Variants in MACROD2 observed in about 807,000 individuals in gnomAD.
MACROD2 encodes mono-ADP ribosylhydrolase 2.
In MACROD2, 36 loss-of-function variants were observed where a neutral mutation model predicts 70.4. That is an observed-to-expected ratio of 0.51 (90% CI 0.39 to 0.68). The LOEUF (loss-of-function observed/expected upper bound fraction) is 0.68, where lower values mean the gene tolerates loss of function less well. MACROD2 is among the 30% of genes least tolerant of loss of function. The pLI is 0.00. For missense variants in MACROD2, 496 were observed against 538.4 expected (o/e 0.92, Z 0.78); for synonymous variants, 172 against 178.8 (o/e 0.96, Z 0.30).
intron 15 of MACROD2, among the ~76,000 whole-genome samples, chr20:15,994,454 AATAC>A (rs2066600770): frequency 6.6e-6 from 1 of 152,234 alleles, no homozygotes; most frequent in South Asian, 2.1e-4. Context: ...CACTCTTGAG[AATAC>A]ATAAAAAGAA....
At chr20:15,782,717 CAAAAA>C (rs11472322) in intron 8 of MACROD2, among the ~76,000 whole-genome samples, 13 of 83,348 alleles carry the variant, frequency 1.6e-4, no homozygotes, top group African/African-American at 5.3e-4. Flanking sequence ...AGAGAAATGG[CAAAAA>C]AAAAAAAAAA....
At chr20:14,464,006 G>T (rs956641973) in intron 3 of MACROD2, among the ~76,000 whole-genome samples, 1 of 151,720 alleles carries the variant, frequency 6.6e-6, no homozygotes, top group Non-Finnish European at 1.5e-5. Flanking sequence ...TTTTTTTGTT[G>T]TGTCTCTGCC....
intron 10 of MACROD2, among the ~76,000 whole-genome samples, chr20:15,932,198 A>T (rs893060708): frequency 6.6e-6 from 1 of 152,146 alleles, no homozygotes; most frequent in Non-Finnish European, 1.5e-5. Context: ...TGCTCCCCAC[A>T]CATCTTTTCT....
chr20:14,716,026 C>T (rs1349815650), intron 5 of MACROD2, among the ~76,000 whole-genome samples: 1 of 152,124 alleles, frequency 6.6e-6, no homozygotes, highest in Non-Finnish European at 1.5e-5. Flanking sequence ...ACTTACTCTC[C>T]ACTCAGCTCT....
intron 6 of MACROD2, among the ~76,000 whole-genome samples, chr20:15,329,190 C>G (rs2077964863): frequency 6.6e-6 from 1 of 152,056 alleles, no homozygotes; most frequent in Non-Finnish European, 1.5e-5. Flanking sequence ...CCACCATTTT[C>G]AAATTATTTT....
chr20:14,044,430 G>A (rs1000256737), intron 2 of MACROD2, among the ~76,000 whole-genome samples: 3 of 152,180 alleles, frequency 2.0e-5, no homozygotes, highest in African/African-American at 7.2e-5. Flanking sequence ...TGAGCGGGTT[G>A]CCACTGCTGG....
intron 5 of MACROD2, among the ~76,000 whole-genome samples, chr20:14,695,551 C>T (rs1023474071): frequency 6.6e-6 from 1 of 152,196 alleles, no homozygotes; most frequent in Admixed American, 6.5e-5. Context: ...TGAGCATGGC[C>T]AGTTTCTATG....
chr20:14,434,606 C>T (rs935601744), intron 3 of MACROD2, among the ~76,000 whole-genome samples: 1 of 152,166 alleles, frequency 6.6e-6, no homozygotes, highest in Non-Finnish European at 1.5e-5. Flanking sequence ...CACATTGCTC[C>T]ATCAGTTCTT....
chr20:15,415,677 C>G (rs2046137772), intron 6 of MACROD2, among the ~76,000 whole-genome samples: 1 of 152,196 alleles, frequency 6.6e-6, no homozygotes, highest in South Asian at 2.1e-4. Flanking sequence ...AAGTCAAAGT[C>G]TAGCAGAACT....
intron 5 of MACROD2, among the ~76,000 whole-genome samples, chr20:14,951,374 A>G (rs139808199): frequency 5.9e-5 from 9 of 152,280 alleles, no homozygotes; most frequent in African/African-American, 1.9e-4. Flanking sequence ...TTACTCAAGC[A>G]TGGTGACTAG....
intron 3 of MACROD2, among the ~76,000 whole-genome samples, chr20:14,226,592 C>T (rs1404536750): frequency 6.6e-6 from 1 of 152,140 alleles, no homozygotes; most frequent in African/African-American, 2.4e-5. Flanking sequence ...TGGCGGGCCG[C>T]GCACTCGGAG....
Position 16,033,701 on chromosome 20 carries a change from A to G in MACROD2, c.1154-7500A>G, listed in dbSNP as rs141597914. 5.4e-3 allele frequency among the ~76,000 whole-genome samples: 825 copies of G among 152,200 alleles called. 12 individuals are homozygous for G. Among genetic ancestry groups the G allele is most frequent in the African/African-American group, 0.018 (752 of 41,544 alleles). On this transcript the variant is annotated intron_variant, in intron 15 of 17. Coordinates refer to ENST00000684519, the MANE Select transcript of MACROD2 (RefSeq NM_001351661.2). The stretch of plus-strand genomic sequence containing the variant: ...TGGAAGTGAGCAGAACTTGCCCCCA[A>G]ATCACATAAATAGAAATGCCAGGAC...
chr20:14,390,261 G>T (rs35989081), intron 3 of MACROD2, among the ~76,000 whole-genome samples: 24,460 of 152,062 alleles, frequency 0.16, 2,606 homozygotes, highest in Non-Finnish European at 0.23. Flanking sequence ...ACGAACAAAT[G>T]GGAAAATATT....
intron 3 of MACROD2, among the ~76,000 whole-genome samples, chr20:14,391,389 A>C (rs1305594451): frequency 1.3e-5 from 2 of 152,176 alleles, no homozygotes; most frequent in South Asian, 2.1e-4. Context: ...CAAATGCCTC[A>C]AGTTGTCACT....
Position 13,995,705 on chromosome 20 carries a change from CCT to C in MACROD2, c.-58_-57del, listed in dbSNP as rs1469832780. 16 of 1,553,576 alleles carry C rather than the reference CCT, an allele frequency of 1.0e-5. No homozygotes were observed. The Admixed American group carries it at 2.3e-4, about 23-fold the overall frequency. On this transcript the variant is annotated 5_prime_UTR_variant, in exon 1 of 18. Transcript: ENST00000684519. The surrounding 1 kb of genome is among the most constrained non-coding windows in gnomAD (Gnocchi z 4.3). ...CCCACCCCTCCCACTCCACACACAC[CCT>C]GTTTGCCCGTGAGCCTGGGGAACTT... is the stretch of plus-strand genomic sequence containing the variant.
At chr20:14,849,983 G>GA (rs1191775977) in intron 5 of MACROD2, 2 of 516,582 alleles carry the variant, frequency 3.9e-6, no homozygotes, top group African/African-American at 3.9e-5. Flanking sequence ...TCACTCCACC[G>GA]AAAAATCTAC....
At chr20:15,125,151 T>C (rs947048918) in intron 5 of MACROD2, among the ~76,000 whole-genome samples, 1 of 152,098 alleles carries the variant, frequency 6.6e-6, no homozygotes, top group Non-Finnish European at 1.5e-5. Context: ...TATAAACTTA[T>C]TGAATGTAAT....
chr20:15,427,329 C>A (rs1420899210), intron 6 of MACROD2, among the ~76,000 whole-genome samples: 5 of 152,274 alleles, frequency 3.3e-5, no homozygotes, highest in African/African-American at 1.2e-4. Context: ...ATGATTGATT[C>A]CAAGACAGAA....
At chr20:15,725,724 CT>C (rs1038708295) in intron 8 of MACROD2, among the ~76,000 whole-genome samples, 6 of 151,658 alleles carry the variant, frequency 4.0e-5, no homozygotes, top group African/African-American at 1.2e-4. Flanking sequence ...TGTACATATA[CT>C]TTTTTTTCAA....
Sources: allele counts gnomAD v4.1 joint callset (sites outside exome capture counted in the v4.1 genomes callset), GRCh38; gene constraint gnomAD v4.1.1; non-coding constraint Gnocchi (gnomAD v3.1); transcripts MANE v1.5; gene names NCBI Gene and HGNC (gene_info 2026-07-23, HGNC 2026-07-21).